The following NAV2 variants were observed in gnomAD, a reference collection of about 807,000 sequenced individuals.
NAV2 encodes helicase, APC down-regulated 1.
A neutral mutation model predicts 223.2 loss-of-function variants in NAV2; 54 were observed. That is an observed-to-expected ratio of 0.24 (90% CI 0.19 to 0.30). NAV2 has a LOEUF of 0.30. NAV2 is among the 10% of genes least tolerant of loss of function. The pLI is 1.00. For synonymous variants in NAV2, 1,279 were observed against 1,239.3 expected, an observed-to-expected ratio of 1.03 and a Z score of -0.67; for missense variants, 2,806 against 3,147.5, an observed-to-expected ratio of 0.89 and a Z score of 2.60.
At chr11:19,885,164 T>A (rs1267117609) in intron 5 of NAV2, among the ~76,000 whole-genome samples, 1 of 152,228 alleles carries the variant, frequency 6.6e-6, no homozygotes, top group Non-Finnish European at 1.5e-5. Flanking sequence ...ATCATCCTCA[T>A]GCCAGGCTTC....
At chr11:19,565,234 C>T (rs1000065594) in intron 1 of NAV2, among the ~76,000 whole-genome samples, 2 of 152,234 alleles carry the variant, frequency 1.3e-5, no homozygotes, top group African/African-American at 4.8e-5. Flanking sequence ...TTTACTCCTA[C>T]ATCAATCAAA....
At chr11:19,516,071 G>A (rs989464673) in intron 1 of NAV2, among the ~76,000 whole-genome samples, 3 of 152,184 alleles carry the variant, frequency 2.0e-5, no homozygotes, top group African/African-American at 4.8e-5. Flanking sequence ...CTGGAGTTAT[G>A]AGCATGTAAT....
At chr11:19,389,960 C>T (rs1047947286) in intron 1 of NAV2, among the ~76,000 whole-genome samples, 15 of 152,158 alleles carry the variant, frequency 9.9e-5, no homozygotes, top group Admixed American at 2.0e-4. Context: ...TATTCATGGC[C>T]CAGGCTGCTC....
At chr11:19,408,909 T>C (rs1229855923) in intron 1 of NAV2, among the ~76,000 whole-genome samples, 3 of 149,846 alleles carry the variant, frequency 2.0e-5, no homozygotes, top group Non-Finnish European at 4.4e-5. Context: ...AGCTGCATGG[T>C]AGGATCAGGA....
intron 1 of NAV2, among the ~76,000 whole-genome samples, chr11:19,662,547 G>A (rs1337083703): frequency 2.0e-5 from 3 of 152,234 alleles, no homozygotes; most frequent in Admixed American, 6.5e-5. Context: ...CATGCCCCAC[G>A]TGTTCTTCCA....
intron 1 of NAV2, among the ~76,000 whole-genome samples, chr11:19,793,299 C>G (rs940729943): frequency 6.6e-6 from 1 of 150,498 alleles, no homozygotes; most frequent in South Asian, 2.1e-4. Flanking sequence ...TGTATCACAA[C>G]AGCTGATTAT....
intron 1 of NAV2, among the ~76,000 whole-genome samples, chr11:19,451,833 T>C (rs1052096005): frequency 6.6e-6 from 1 of 152,130 alleles, no homozygotes; most frequent in Non-Finnish European, 1.5e-5. Context: ...TGTAAGGACA[T>C]GGAAATAGAA....
chr11:20,106,619 C>G (rs1035620884), intron 35 of NAV2, among the ~76,000 whole-genome samples: 2 of 146,382 alleles, frequency 1.4e-5, no homozygotes, highest in African/African-American at 5.1e-5. Flanking sequence ...TTTGTTGCTA[C>G]TCAGTTGTTG....
chr11:19,916,296 C>T (rs532892611), intron 6 of NAV2, among the ~76,000 whole-genome samples: 14 of 152,198 alleles, frequency 9.2e-5, no homozygotes, highest in Non-Finnish European at 2.1e-4. Context: ...GTACCAGATA[C>T]TAATGTTCAG....
At chr11:19,824,023 GCT>G (rs1222838966) in intron 1 of NAV2, among the ~76,000 whole-genome samples, 2 of 152,084 alleles carry the variant, frequency 1.3e-5, no homozygotes, top group Non-Finnish European at 2.9e-5. Context: ...AAAATGTGTG[GCT>G]CTCAGAAGTG....
intron 1 of NAV2, among the ~76,000 whole-genome samples, chr11:19,419,707 T>C (rs1045894689): frequency 6.6e-5 from 10 of 152,144 alleles, no homozygotes; most frequent in Non-Finnish European, 5.9e-5. Flanking sequence ...TCCACCATAA[T>C]GAAACTGGAA....
intron 20 of NAV2, among the ~76,000 whole-genome samples, 183 bp downstream of exon 20, chr11:20,062,542 A>C (rs1391286397): frequency 6.6e-6 from 1 of 152,250 alleles, no homozygotes; most frequent in Non-Finnish European, 1.5e-5. Flanking sequence ...TACCAACCCC[A>C]AAATCCAGAA....
chr11:19,456,155 C>T (rs1293153989), intron 1 of NAV2, among the ~76,000 whole-genome samples: 1 of 152,166 alleles, frequency 6.6e-6, no homozygotes, highest in Non-Finnish European at 1.5e-5. Flanking sequence ...AAAAACATAA[C>T]CGGAAGCCCC....
intron 1 of NAV2, among the ~76,000 whole-genome samples, chr11:19,356,302 C>A (rs952222221): frequency 3.3e-5 from 5 of 152,162 alleles, no homozygotes; most frequent in African/African-American, 1.2e-4. Context: ...GGGGTCAGAC[C>A]AATTCCCAGC....
chr11:19,529,644 G>A (rs75641456), intron 1 of NAV2, among the ~76,000 whole-genome samples: 1 of 152,180 alleles, frequency 6.6e-6, no homozygotes, highest in African/African-American at 2.4e-5. Flanking sequence ...TCTGCCCTAG[G>A]GACCACTGGA....
At chr11:19,510,626 C>T (rs765074345) in intron 1 of NAV2, among the ~76,000 whole-genome samples, 2 of 152,240 alleles carry the variant, frequency 1.3e-5, no homozygotes, top group Non-Finnish European at 2.9e-5. Context: ...CAGCGCTTTA[C>T]CCAGGACTGC....
At chr11:19,755,926 C>A (rs2054197302) in intron 1 of NAV2, among the ~76,000 whole-genome samples, 1 of 152,206 alleles carries the variant, frequency 6.6e-6, no homozygotes, top group South Asian at 2.1e-4. Context: ...TAGAAATGGT[C>A]CAGCGGCAGC....
At chr11:19,948,612 TTC>T in intron 9 of NAV2, 77 bp from the exon 10 acceptor site, 1 of 1,409,566 alleles carries the variant, frequency 7.1e-7, no homozygotes, top group Non-Finnish European at 9.4e-7. Flanking sequence ...TATTTCATAA[TTC>T]TAAATAATTA....
At chr11:19,445,291 A>G (rs1851543724) in intron 1 of NAV2, among the ~76,000 whole-genome samples, 1 of 152,076 alleles carries the variant, frequency 6.6e-6, no homozygotes, top group Non-Finnish European at 1.5e-5. Context: ...TTTTAGTCCT[A>G]CTGGCCAACA....
Sources: gnomAD v4.1 joint callset for allele counts (sites outside exome capture counted in the v4.1 genomes callset) on GRCh38, gnomAD v4.1.1 for gene constraint, MANE v1.5 for transcripts, NCBI Gene and HGNC (gene_info 2026-07-23, HGNC 2026-07-21) for gene names.